HS6ST2: variants seen among roughly 807,000 people sequenced by gnomAD.
HS6ST2 encodes the protein heparan sulfate 6-O-sulfotransferase 2, also known as heparan-sulfate 6-O-sulfotransferase 2.
Under a neutral mutation model 33.0 loss-of-function variants are expected in HS6ST2, and 17 were observed. The observed-to-expected ratio is 0.52, with a 90% confidence interval of 0.35 to 0.77. HS6ST2 has a LOEUF of 0.77. HS6ST2 is among the 30% of genes least tolerant of loss of function. The probability of loss-of-function intolerance (pLI) is 0.01; values close to 1 mark genes in which losing one functional copy is unlikely to be tolerated. For missense variants in HS6ST2, 519 were observed against 551.7 expected (o/e 0.94, Z 0.59); for synonymous variants, 248 against 237.1 (o/e 1.05, Z -0.42).
At chrX:132,708,666 T>C (rs1007274247) in intron 2 of HS6ST2, 172 bp from the exon 3 acceptor site, 1 of 412,221 alleles carries the variant, frequency 2.4e-6, no homozygotes, top group African/African-American at 2.5e-5. Context: ...TCCTCTCAAG[T>C]AATGGGGAGA....
Position 132,669,116 on chromosome X carries a change from C to T in HS6ST2, c.1064G>A (p.Gly355Glu), listed in dbSNP as rs762311620. ...ACAGGAGCACTTTTTCACTTACTTC[C>T]CACTCTTAGATGTGTTCCGGGTCTT... is the stretch of plus-strand genomic sequence containing the variant. Reference protein sequence around the residue: ...STKTRNTSKSGKNFHYITILR... With the variant: ...STKTRNTSKSEKNFHYITILR... The change falls in exon 4 of 5, where the codon GGG (glycine) becomes GAG (glutamate). Residue 355 changes from glycine to glutamate, a missense_variant. Coordinates refer to ENST00000370833, the MANE Select transcript of HS6ST2 (RefSeq NM_001394073.1). 6.7e-6 allele frequency: 8 copies of T among 1,189,643 alleles called. No homozygotes were observed. In the African/African-American group the frequency reaches 1.1e-4, roughly 16 times the overall value.
rs1006809335 is a variant in HS6ST2 at position 132,943,165 on chromosome X, T to G, written c.947+13643A>C. ...TTTTTTTAAAAACAAGCTAATATGT[T>G]GGATCTTGGTATCTCCAGATAGTTA... On this transcript the variant is annotated intron_variant, in intron 2 of 4. Transcript: ENST00000370833. Among the ~76,000 whole-genome samples the G allele has an allele frequency of 3.6e-5, 4 of 112,194 alleles. No homozygotes were observed. In the Admixed American group the frequency reaches 3.8e-4, roughly 11 times the overall value.
At chrX:132,955,964 G>T (rs1301798937) in intron 2 of HS6ST2, among the ~76,000 whole-genome samples, 1 of 112,087 alleles carries the variant, frequency 8.9e-6, no homozygotes, top group Admixed American at 9.3e-5. Flanking sequence ...GGCTCCTGGT[G>T]ACTGAACCCC....
chrX:132,915,705 A>C (rs2066579735), intron 2 of HS6ST2, among the ~76,000 whole-genome samples: 1 of 110,934 alleles, frequency 9.0e-6, no homozygotes, highest in Non-Finnish European at 1.9e-5. Context: ...GGGCTATAGT[A>C]ACATAAAATG....
chrX:132,858,937 G>A (rs963432007), intron 2 of HS6ST2, among the ~76,000 whole-genome samples: 1 of 112,413 alleles, frequency 8.9e-6, no homozygotes, highest in Admixed American at 9.4e-5. Context: ...AGTGAGCAAA[G>A]CACGGGCTGC....
rs2064310843 is a variant in HS6ST2, at chrX:132,719,635, G to A, written c.948-11141C>T. Among the ~76,000 whole-genome samples, 3 of 111,655 alleles carry A rather than the reference G, an allele frequency of 2.7e-5. No individual in the cohort carries two copies. In the South Asian group the frequency reaches 1.2e-3, roughly 44 times the overall value. The stretch of plus-strand genomic sequence containing the variant: ...GTGCTTTTCACACTAGCAATGTTTT[G>A]GCCCCTTCGTTTCTCTGTGGCTATC... On this transcript the variant is annotated intron_variant, in intron 2 of 4. Transcript: ENST00000370833.
At chrX:132,755,653 T>C (rs1406500356) in intron 2 of HS6ST2, among the ~76,000 whole-genome samples, 2 of 111,073 alleles carry the variant, frequency 1.8e-5, no homozygotes, top group African/African-American at 6.5e-5. Context: ...ATTTAAAATT[T>C]TGATATTTGT....
rs2066826525 is a variant in HS6ST2, at chrX:132,936,718, G to A, written c.947+20090C>T. 3.6e-5 allele frequency among the ~76,000 whole-genome samples: 4 copies of A among 111,364 alleles called. No individual in the cohort carries two copies. The South Asian group carries it at 1.5e-3, about 43-fold the overall frequency. ...CCTACTTGAGGGTGGAGACTGGGAG[G>A]AGGATGAGGGTTGAAAAACTACTTG... is the stretch of plus-strand genomic sequence containing the variant. On this transcript the variant is annotated intron_variant, in intron 2 of 4. Transcript: ENST00000370833.
chrX:132,936,652 A>G (rs780101143), intron 2 of HS6ST2, among the ~76,000 whole-genome samples: 3 of 111,533 alleles, frequency 2.7e-5, no homozygotes, highest in Non-Finnish European at 5.6e-5. Context: ...CTAAACACTG[A>G]GTACACTTAG....
At chrX:132,928,425 A>G (rs754152912) in intron 2 of HS6ST2, among the ~76,000 whole-genome samples, 1 of 110,887 alleles carries the variant, frequency 9.0e-6, no homozygotes, top group South Asian at 3.9e-4. Context: ...CTTTCAAATG[A>G]CCAGATCTCA....
In HS6ST2 at chrX:132,957,078, T is replaced by A. The variant is rs1188867816; in HGVS notation, c.677A>T (p.Asp226Val). The A allele has an allele frequency of 1.7e-6, 2 of 1,211,651 alleles. No homozygotes were observed. The highest frequency in any genetic ancestry group is 2.2e-6 in the Non-Finnish European group (2 of 895,426). ...GATGTGCAGGAACACGATCAGGTCATCGCCCTTGATGTCGAAGTCTACCTT... is the reference window on the plus strand; with the variant it reads ...GATGTGCAGGAACACGATCAGGTCAACGCCCTTGATGTCGAAGTCTACCTT... Reference protein sequence around the residue: ...LRKVDFDIKGDDLIVFLHIQK... With the variant: ...LRKVDFDIKGVDLIVFLHIQK... Residue 226 changes from aspartate (D) to valine (V), a missense_variant, in exon 2 of 5, where the codon GAT becomes GTT. Coordinates refer to ENST00000370833, the MANE Select transcript of HS6ST2 (RefSeq NM_001394073.1).
chrX:132,671,975 GAA>G (rs1251668173), intron 3 of HS6ST2, among the ~76,000 whole-genome samples: 1 of 111,613 alleles, frequency 9.0e-6, no homozygotes, highest in African/African-American at 3.3e-5. Flanking sequence ...AACATTGACA[GAA>G]AAAGTCTTCA....
intron 2 of HS6ST2, among the ~76,000 whole-genome samples, chrX:132,930,670 C>A (rs2066759323): frequency 9.0e-6 from 1 of 111,316 alleles, no homozygotes; most frequent in African/African-American, 3.3e-5. Context: ...CTCAATACAA[C>A]CCTCCCCCAC....
intron 2 of HS6ST2, among the ~76,000 whole-genome samples, chrX:132,851,483 A>G (rs1202732669): frequency 8.9e-6 from 1 of 112,610 alleles, no homozygotes; most frequent in East Asian, 2.8e-4. Context: ...GGGTTGTTGT[A>G]AGGGTGAAAT....
intron 3 of HS6ST2, among the ~76,000 whole-genome samples, chrX:132,677,758 C>T (rs1257622786): frequency 1.8e-5 from 2 of 112,329 alleles, no homozygotes; most frequent in African/African-American, 6.5e-5. Flanking sequence ...AAATTAGCAA[C>T]TCTGGAGAAT....
chrX:132,654,554 C>A (rs565819587), intron 4 of HS6ST2, among the ~76,000 whole-genome samples: 1 of 111,989 alleles, frequency 8.9e-6, no homozygotes, highest in Non-Finnish European at 1.9e-5. Context: ...GCTCAAGAAT[C>A]TTTAAAGTTC....
At chrX:132,773,178 T>A (rs1016283658) in intron 2 of HS6ST2, among the ~76,000 whole-genome samples, 4 of 100,455 alleles carry the variant, frequency 4.0e-5, no homozygotes, top group African/African-American at 1.4e-4. Context: ...ATAATATATA[T>A]TAATGCATAT....
intron 2 of HS6ST2, among the ~76,000 whole-genome samples, chrX:132,797,083 G>C (rs1379897207): frequency 1.8e-5 from 2 of 111,505 alleles, no homozygotes; most frequent in African/African-American, 6.5e-5. Flanking sequence ...TTCTGGGAAG[G>C]TAAAAGCACC....
intron 2 of HS6ST2, among the ~76,000 whole-genome samples, chrX:132,944,632 C>A (rs1310574351): frequency 9.0e-6 from 1 of 111,661 alleles, no homozygotes; most frequent in African/African-American, 3.3e-5. Flanking sequence ...ACCAAAACAG[C>A]ATGGTACTGC....
Sources: allele counts gnomAD v4.1 joint callset (sites outside exome capture counted in the v4.1 genomes callset), GRCh38; gene constraint gnomAD v4.1.1; transcripts MANE v1.5; gene names NCBI Gene and HGNC (gene_info 2026-07-23, HGNC 2026-07-21).